Variants in NNT observed in about 807,000 individuals in gnomAD.
The protein encoded by NNT is nicotinamide nucleotide transhydrogenase.
NNT carries 50 observed loss-of-function variants against 104.8 expected under a neutral mutation model. The ratio of observed to expected loss-of-function variants is 0.48; its 90% CI spans 0.38 to 0.60. The LOEUF (loss-of-function observed/expected upper bound fraction) is 0.60, where lower values mean the gene tolerates loss of function less well. Among genes scored for constraint, NNT ranks in the 20% least tolerant of loss-of-function variants. NNT has a pLI of 0.00. For missense variants in NNT, 1,131 were observed against 1,330.7 expected (o/e 0.85, Z 2.33); for synonymous variants, 461 against 490.4 (o/e 0.94, Z 0.79).
intron 20 of NNT, 116 bp downstream of exon 20, chr5:43,700,353 T>C (rs909845227): frequency 7.9e-6 from 5 of 635,266 alleles, no homozygotes; most frequent in African/African-American, 7.4e-5. Flanking sequence ...GAAAAAGAAC[T>C]TGTACATGGT....
At chr5:43,690,016 T>G (rs964226268) in intron 19 of NNT, among the ~76,000 whole-genome samples, 14 of 151,998 alleles carry the variant, frequency 9.2e-5, no homozygotes, top group African/African-American at 3.4e-4. Flanking sequence ...AGTTTGGAAC[T>G]ATATTAAACA....
intron 19 of NNT, among the ~76,000 whole-genome samples, chr5:43,699,109 C>T (rs1742716194): frequency 6.6e-6 from 1 of 151,892 alleles, no homozygotes. Flanking sequence ...AAATACTGGG[C>T]AAGAGGTTGG....
intron 20 of NNT, among the ~76,000 whole-genome samples, chr5:43,701,735 G>A (rs765479596): frequency 1.4e-4 from 22 of 152,048 alleles, no homozygotes; most frequent in Non-Finnish European, 2.4e-4. Context: ...CCTTGCCAGC[G>A]TCTGTTATTG....
rs1208735868 is a variant in NNT, at chr5:43,651,876, A to G, written c.1855A>G (p.Ile619Val). The stretch of plus-strand genomic sequence containing the variant: ...AGCTGCCCTCTACAGTGGTTATAAC[A>G]TTGAACAGGTAAGATGCTCTTTGTA... ...YLAALYSGYN[I>V]EQIMYLGSGL... Residue 619 changes from isoleucine to valine, a missense_variant, in exon 13 of 22, where the codon ATT becomes GTT. Coordinates refer to ENST00000344920, the MANE Select transcript of NNT (RefSeq NM_182977.3). 10 of 1,613,810 alleles carry G rather than the reference A, an allele frequency of 6.2e-6. No individual in the cohort carries two copies. Among genetic ancestry groups the G allele is most frequent in the East Asian group, 2.2e-5 (1 of 44,878 alleles).
Position 43,653,093 on chromosome 5 carries a change from G to T in NNT, c.1939G>T (p.Gly647Cys). 1 of 1,614,080 alleles carries T rather than the reference G, an allele frequency of 6.2e-7. No individual in the cohort carries two copies. The highest frequency in any genetic ancestry group is 2.2e-5 in the East Asian group (1 of 44,866). ...CTCCACCCAGGGAACAGCACGTCTT[G>T]GCAATGCACTGGGCATGATTGGGGT... ...GLSTQGTARL[G>C]NALGMIGVAG... Residue 647 changes from glycine to cysteine, a missense_variant, in exon 14 of 22, where the codon GGC (glycine) becomes TGC (cysteine). By Grantham distance (159) the Gly-to-Cys change is radical. Transcript: ENST00000344920.
chr5:43,621,765 G>A (rs145454021), intron 5 of NNT, among the ~76,000 whole-genome samples: 288 of 152,306 alleles, frequency 1.9e-3, no homozygotes, highest in African/African-American at 6.7e-3. Flanking sequence ...ATGGGCACAG[G>A]CCACTTTAGT....
rs1334321384 is a variant in NNT at position 43,651,861 on chromosome 5, T to C, written c.1840T>C (p.Tyr614His). Residue 614 changes from tyrosine (Y) to histidine (H), a missense_variant, in exon 13 of 22, where the codon TAC becomes CAC. Physicochemically the swap from Tyr to His is moderately conservative, Grantham distance 83. Transcript: ENST00000344920. ...TGTTGGTGGATATTTAGCTGCCCTC[T>C]ACAGTGGTTATAACATTGAACAGGT... ...TFVGGYLAAL[Y>H]SGYNIEQIMY... is the part of the protein sequence containing the mutation. 11 of 1,614,182 alleles carry C rather than the reference T, an allele frequency of 6.8e-6. No homozygotes were observed. Among genetic ancestry groups the C allele is most frequent in the Middle Eastern group, 1.6e-4 (1 of 6,062 alleles).
At position 43,619,975 on chromosome 5, in the gene NNT, A is replaced by AC. The variant is rs551284713; in HGVS notation, c.687+861dup. 1.9e-3 allele frequency among the ~76,000 whole-genome samples: 282 copies of AC among 151,888 alleles called. 8 individuals are homozygous for AC. The highest frequency in any genetic ancestry group is 0.018 in the Admixed American group (270 of 15,250). The stretch of plus-strand genomic sequence containing the variant: ...CTGAGGGAGCCAGGCTCTTCTATTA[A>AC]CCCCCAGAGTGAGAACTCAGCCCCC... On this transcript the variant is annotated intron_variant, in intron 5 of 21. Coordinates refer to ENST00000344920, the MANE Select transcript of NNT (RefSeq NM_182977.3).
intron 16 of NNT, among the ~76,000 whole-genome samples, chr5:43,658,353 A>T (rs1740169049): frequency 6.6e-6 from 1 of 151,778 alleles, no homozygotes; most frequent in Non-Finnish European, 1.5e-5. Context: ...AAACATGTGA[A>T]ATAAAAAGCA....
intron 1 of NNT, among the ~76,000 whole-genome samples, chr5:43,608,906 T>G (rs1749359567): frequency 6.6e-6 from 1 of 152,188 alleles, no homozygotes; most frequent in African/African-American, 2.4e-5. Context: ...AATAGTGAGT[T>G]TAGAACTCCA....
chr5:43,684,724 T>A (rs1296762723), intron 19 of NNT, among the ~76,000 whole-genome samples: 1 of 151,480 alleles, frequency 6.6e-6, no homozygotes, highest in East Asian at 2.0e-4. Flanking sequence ...CTAAAATGAT[T>A]GCTTAAAAAA....
intron 5 of NNT, among the ~76,000 whole-genome samples, chr5:43,619,323 A>G (rs1749949057): frequency 6.6e-6 from 1 of 152,150 alleles, no homozygotes; most frequent in Non-Finnish European, 1.5e-5. Flanking sequence ...TGAAAGTTCT[A>G]GTCTTTTCTG....
chr5:43,663,660 T>C (rs1740486523), intron 17 of NNT, among the ~76,000 whole-genome samples: 1 of 152,220 alleles, frequency 6.6e-6, no homozygotes, highest in Non-Finnish European at 1.5e-5. Context: ...AAATAGCTAC[T>C]TAAAATTGGC....
intron 7 of NNT, among the ~76,000 whole-genome samples, chr5:43,628,595 T>G (rs558451169): frequency 5.9e-5 from 9 of 151,752 alleles, no homozygotes; most frequent in Admixed American, 1.3e-4. Flanking sequence ...GTGAAAAAAT[T>G]TTTTTTTTGA....
chr5:43,658,156 G>T (rs1740156628), intron 16 of NNT, among the ~76,000 whole-genome samples: 1 of 152,046 alleles, frequency 6.6e-6, no homozygotes, highest in South Asian at 2.1e-4. Flanking sequence ...AAGAAAAAAA[G>T]ATATACAAAT....
intron 5 of NNT, among the ~76,000 whole-genome samples, chr5:43,620,411 G>A (rs547640034): frequency 2.6e-4 from 39 of 151,960 alleles, no homozygotes; most frequent in African/African-American, 8.5e-4. Context: ...TAGTAGAGAC[G>A]GGGTTTCACC....
chr5:43,673,121 C>G (rs1046434102), intron 17 of NNT, among the ~76,000 whole-genome samples: 1 of 152,196 alleles, frequency 6.6e-6, no homozygotes, highest in Non-Finnish European at 1.5e-5. Context: ...TTTGCTAAGA[C>G]CATTGGAAAA....
intron 6 of NNT, among the ~76,000 whole-genome samples, chr5:43,625,768 C>T (rs767947035): frequency 3.3e-5 from 5 of 152,024 alleles, no homozygotes; most frequent in Non-Finnish European, 7.4e-5. Context: ...GCTTTCTTTC[C>T]TATCATAAAA....
rs1739707562 is a variant in NNT, at chr5:43,650,606, G to T, written c.1717+19G>T. 2.6e-6 allele frequency: 4 copies of T among 1,543,024 alleles called. No homozygotes were observed. The highest frequency in any genetic ancestry group is 3.6e-6 in the Non-Finnish European group (4 of 1,115,648). On this transcript the variant is annotated intron_variant, in intron 12 of 21. Coordinates refer to ENST00000344920, the MANE Select transcript of NNT (RefSeq NM_182977.3). ...ATTGCAGGTATGATGTCAGTGAAAG[G>T]TCTCAGTACTATTTTCAATGGAGAC...
Sources: gnomAD v4.1 joint callset for allele counts (sites outside exome capture counted in the v4.1 genomes callset) on GRCh38, gnomAD v4.1.1 for gene constraint, MANE v1.5 for transcripts, NCBI Gene and HGNC (gene_info 2026-07-23, HGNC 2026-07-21) for gene names.